The following LRRC4C variants were observed in gnomAD, a reference collection of about 807,000 sequenced individuals.
LRRC4C encodes leucine rich repeat containing 4C, also known as leucine-rich repeat-containing protein 4C.
Under a neutral mutation model 33.6 loss-of-function variants are expected in LRRC4C, and 5 were observed. The observed-to-expected ratio is 0.15, with a 90% CI of 0.08 to 0.31. The LOEUF (loss-of-function observed/expected upper bound fraction) is 0.31, where lower values mean the gene tolerates loss of function less well. LRRC4C is among the 10% of genes least tolerant of loss of function. The probability of loss-of-function intolerance (pLI) is 1.00; values close to 1 mark genes in which losing one functional copy is unlikely to be tolerated. For synonymous variants in LRRC4C, 329 were observed against 302.0 expected (o/e 1.09, Z -0.93); for missense variants, 560 against 796.7 (o/e 0.70, Z 3.58).
chr11:40,166,069 T>C (rs1371913711), intron 5 of LRRC4C, among the ~76,000 whole-genome samples: 3 of 152,234 alleles, frequency 2.0e-5, no homozygotes, highest in Non-Finnish European at 2.9e-5. Flanking sequence ...ATTCATGCCA[T>C]ATGACCCAGC....
intron 3 of LRRC4C, among the ~76,000 whole-genome samples, chr11:40,342,855 T>C (rs931934046): frequency 2.0e-5 from 3 of 152,072 alleles, no homozygotes; most frequent in African/African-American, 7.2e-5. Flanking sequence ...CCTTTATATC[T>C]ATCTATCTAC....
At chr11:40,587,187 T>C (rs928538015) in intron 3 of LRRC4C, among the ~76,000 whole-genome samples, 16 of 151,964 alleles carry the variant, frequency 1.1e-4, no homozygotes, top group Non-Finnish European at 2.1e-4. Context: ...AAGAGGTCCT[T>C]CACTTCCCTT....
At chr11:40,222,752 T>C (rs1018034363) in intron 5 of LRRC4C, among the ~76,000 whole-genome samples, 2 of 152,208 alleles carry the variant, frequency 1.3e-5, no homozygotes, top group African/African-American at 2.4e-5. Context: ...TGGATTAGGA[T>C]GACTCCACAG....
chr11:40,622,863 T>C (rs1389004123), intron 3 of LRRC4C, among the ~76,000 whole-genome samples: 1 of 151,862 alleles, frequency 6.6e-6, no homozygotes, highest in African/African-American at 2.4e-5. Flanking sequence ...GTGACTATTT[T>C]TAGCAATTAT....
intron 3 of LRRC4C, among the ~76,000 whole-genome samples, chr11:40,488,288 C>G (rs555134918): frequency 6.6e-6 from 1 of 152,118 alleles, no homozygotes; most frequent in South Asian, 2.1e-4. Context: ...TTTTCCCCCC[C>G]CCACTTAAAG....
chr11:40,902,903 T>C (rs1275788867), intron 2 of LRRC4C, among the ~76,000 whole-genome samples: 1 of 152,076 alleles, frequency 6.6e-6, no homozygotes, highest in Non-Finnish European at 1.5e-5. Context: ...AAAGTACAAG[T>C]TGAAATAGCA....
At chr11:41,410,821 C>T (rs914172836) in intron 1 of LRRC4C, among the ~76,000 whole-genome samples, 2 of 151,996 alleles carry the variant, frequency 1.3e-5, no homozygotes, top group Non-Finnish European at 2.9e-5. Flanking sequence ...CATTATCAAC[C>T]TCAAAATAAA....
chr11:40,969,462 C>A (rs200384953), intron 1 of LRRC4C, among the ~76,000 whole-genome samples: 401 of 142,874 alleles, frequency 2.8e-3, no homozygotes, highest in Middle Eastern at 3.7e-3. Context: ...TCTTACACTA[C>A]AAAAAAAAAA....
intron 1 of LRRC4C, among the ~76,000 whole-genome samples, chr11:41,151,015 A>C (rs1565429705): frequency 6.6e-6 from 1 of 150,404 alleles, no homozygotes; most frequent in Admixed American, 6.6e-5. Context: ...TGCTCCCTGC[A>C]ACACACACAC....
At chr11:40,384,891 T>A (rs1003742609) in intron 3 of LRRC4C, among the ~76,000 whole-genome samples, 10 of 152,186 alleles carry the variant, frequency 6.6e-5, no homozygotes, top group African/African-American at 2.4e-4. Flanking sequence ...CTGGAAATTA[T>A]CCTGCAAACA....
At chr11:41,071,974 G>A (rs1938719587) in intron 1 of LRRC4C, among the ~76,000 whole-genome samples, 1 of 152,108 alleles carries the variant, frequency 6.6e-6, no homozygotes, top group African/African-American at 2.4e-5. Context: ...AATAAGAATT[G>A]CAGCCCGGAG....
chr11:40,353,650 G>T (rs1029585265), intron 3 of LRRC4C, among the ~76,000 whole-genome samples: 3 of 152,138 alleles, frequency 2.0e-5, no homozygotes, highest in African/African-American at 2.4e-5. Flanking sequence ...GGAGGTGGGG[G>T]TTGCAGTGAC....
intron 2 of LRRC4C, among the ~76,000 whole-genome samples, chr11:40,927,179 G>A (rs1039383458): frequency 1.8e-4 from 28 of 152,162 alleles, no homozygotes; most frequent in African/African-American, 6.5e-4. Context: ...TTCGAGACCA[G>A]CCTGGCCAAC....
At chr11:40,658,078 C>T (rs890173132) in intron 2 of LRRC4C, among the ~76,000 whole-genome samples, 1 of 152,124 alleles carries the variant, frequency 6.6e-6, no homozygotes, top group Non-Finnish European at 1.5e-5. Context: ...TTCTAAGAAG[C>T]AAAACATCAT....
intron 2 of LRRC4C, among the ~76,000 whole-genome samples, chr11:40,786,364 T>A (rs1950410951): frequency 6.6e-6 from 1 of 152,148 alleles, no homozygotes; most frequent in Non-Finnish European, 1.5e-5. Flanking sequence ...GCTTGCCATA[T>A]TTGTTTCTGC....
intron 3 of LRRC4C, among the ~76,000 whole-genome samples, chr11:40,539,074 C>G (rs917332433): frequency 2.6e-5 from 4 of 152,148 alleles, no homozygotes; most frequent in African/African-American, 9.7e-5. Flanking sequence ...ATTTCATCCT[C>G]TGCCCAACAG....
At chr11:40,143,092 C>A (rs1264629502) in intron 5 of LRRC4C, among the ~76,000 whole-genome samples, 1 of 152,144 alleles carries the variant, frequency 6.6e-6, no homozygotes, top group African/African-American at 2.4e-5. Context: ...ATTGTATCAC[C>A]TCTACATCTT....
chr11:40,704,311 T>C (rs775919627), intron 2 of LRRC4C, among the ~76,000 whole-genome samples: 15 of 152,118 alleles, frequency 9.9e-5, no homozygotes, highest in African/African-American at 2.4e-4. Flanking sequence ...TGAGGGACTA[T>C]TGTATTTATA....
At chr11:41,051,879 A>C (rs909981284) in intron 1 of LRRC4C, among the ~76,000 whole-genome samples, 7 of 152,190 alleles carry the variant, frequency 4.6e-5, no homozygotes, top group African/African-American at 1.2e-4. Context: ...AGAGCAAACA[A>C]AGAAAGCCAA....
Sources: allele counts gnomAD v4.1 joint callset (sites outside exome capture counted in the v4.1 genomes callset), GRCh38; gene constraint gnomAD v4.1.1; transcripts MANE v1.5; gene names NCBI Gene and HGNC (gene_info 2026-07-23, HGNC 2026-07-21).